LTBP1: variants seen among roughly 807,000 people sequenced by gnomAD.
The protein encoded by LTBP1 is latent-transforming growth factor beta-binding protein 1.
A neutral mutation model predicts 207.6 loss-of-function variants in LTBP1; 129 were observed. The observed-to-expected ratio is 0.62, with a 90% CI of 0.54 to 0.72. The LOEUF is 0.72. Among genes scored for constraint, LTBP1 ranks in the 30% least tolerant of loss-of-function variants. The pLI is 0.00. For missense variants in LTBP1, 2,281 were observed against 2,217.2 expected (o/e 1.03, Z -0.58); for synonymous variants, 963 against 833.7 (o/e 1.16, Z -2.67).
At chr2:33,019,126 T>C (rs77912572) in intron 2 of LTBP1, among the ~76,000 whole-genome samples, 2,606 of 152,230 alleles carry the variant, frequency 0.017, 21 homozygotes, top group Non-Finnish European at 0.024. Context: ...AATTGCTTTG[T>C]GGACTGAAGC....
intron 9 of LTBP1, among the ~76,000 whole-genome samples, chr2:33,234,282 A>G (rs540090816): frequency 6.6e-6 from 1 of 152,274 alleles, no homozygotes; most frequent in African/African-American, 2.4e-5. Context: ...TTGCATTATC[A>G]TAAGTGAGTT....
intron 2 of LTBP1, among the ~76,000 whole-genome samples, chr2:33,011,639 C>G (rs1687687303): frequency 6.6e-6 from 1 of 151,986 alleles, no homozygotes; most frequent in Admixed American, 6.6e-5. Flanking sequence ...GAATAAATCT[C>G]TGTTATTTAA....
In LTBP1 at chr2:33,252,702, G is replaced by A. The variant is rs1243245759; in HGVS notation, c.2025G>A (p.Glu675=). ...CVPDPPVISE[E]KGPCYRLVSS... is the part of the protein sequence containing the mutation. ...CTGATCCCCCTGTGATCTCGGAAGAGAAAGGGCCCTGTTACCGACTTGTCA... is the reference window on the plus strand; with the variant it reads ...CTGATCCCCCTGTGATCTCGGAAGAAAAAGGGCCCTGTTACCGACTTGTCA... The change falls in exon 11 of 34, where the codon GAG becomes GAA. Residue 675 remains glutamate (E), a synonymous_variant. Coordinates refer to ENST00000404816, the MANE Select transcript of LTBP1 (RefSeq NM_206943.4). The A allele has an allele frequency of 6.2e-7, 1 of 1,612,958 alleles. No individual in the cohort carries two copies. Among genetic ancestry groups the A allele is most frequent in the African/African-American group, 1.3e-5 (1 of 74,926 alleles).
chr2:33,065,955 A>G (rs1452523924), intron 3 of LTBP1, among the ~76,000 whole-genome samples: 1 of 152,180 alleles, frequency 6.6e-6, no homozygotes, highest in Non-Finnish European at 1.5e-5. Context: ...CCTGTTTTAA[A>G]TAACAGTGAG....
At chr2:33,288,580 G>T (rs1339889798) in intron 19 of LTBP1, among the ~76,000 whole-genome samples, 1 of 152,172 alleles carries the variant, frequency 6.6e-6, no homozygotes, top group Non-Finnish European at 1.5e-5. Context: ...TGGAGGCCAG[G>T]TGCGGTGGCT....
At chr2:33,008,446 A>G (rs1031598099) in intron 2 of LTBP1, among the ~76,000 whole-genome samples, 2 of 152,350 alleles carry the variant, frequency 1.3e-5, no homozygotes, top group South Asian at 2.1e-4. Context: ...GCCAAACAAT[A>G]AAAGTAATAA....
intron 3 of LTBP1, among the ~76,000 whole-genome samples, chr2:33,047,727 C>G (rs886679885): frequency 6.6e-6 from 1 of 152,034 alleles, no homozygotes; most frequent in African/African-American, 2.4e-5. Context: ...TTAAAGTCTC[C>G]CACTATTATT....
intron 3 of LTBP1, among the ~76,000 whole-genome samples, chr2:33,061,175 T>C (rs1335667369): frequency 6.6e-6 from 1 of 152,140 alleles, no homozygotes; most frequent in African/African-American, 2.4e-5. Context: ...ATCTTACATA[T>C]TACAAGATGG....
At chr2:33,058,049 G>A (rs191306311) in intron 3 of LTBP1, among the ~76,000 whole-genome samples, 19 of 152,350 alleles carry the variant, frequency 1.2e-4, no homozygotes, top group Admixed American at 3.3e-4. Context: ...AAGAAACCTA[G>A]GAGTGTTTCT....
In LTBP1 at chr2:33,300,837, T is replaced by C. The variant is rs1279068145; in HGVS notation, c.3358+264T>C. On this transcript the variant is annotated intron_variant, in intron 21 of 33. Coordinates refer to ENST00000404816, the MANE Select transcript of LTBP1 (RefSeq NM_206943.4). ...AATTATTGCTTTCTGTGTAATTCTT[T>C]ACTACAGAAGGTAATTTCCATTTAA... 2.6e-5 allele frequency among the ~76,000 whole-genome samples: 4 copies of C among 152,236 alleles called. No individual in the cohort carries two copies. The East Asian group carries it at 7.7e-4, about 29-fold the overall frequency.
At chr2:32,965,326 C>G (rs956957022) in intron 2 of LTBP1, among the ~76,000 whole-genome samples, 5 of 152,154 alleles carry the variant, frequency 3.3e-5, no homozygotes, top group Admixed American at 3.3e-4. Context: ...ATCGATGAAC[C>G]CCTATATTAT....
chr2:33,181,714 C>T (rs990432275), intron 5 of LTBP1, among the ~76,000 whole-genome samples: 2 of 152,210 alleles, frequency 1.3e-5, no homozygotes, highest in Non-Finnish European at 2.9e-5. Flanking sequence ...GTAATATTTT[C>T]TAAAATATAT....
intron 21 of LTBP1, 107 bp from the exon 22 acceptor site, chr2:33,301,415 T>C: frequency 7.6e-7 from 1 of 1,310,976 alleles, no homozygotes; most frequent in Non-Finnish European, 1.0e-6. Flanking sequence ...TGGTCATTAC[T>C]TGTATCAACA....
intron 31 of LTBP1, among the ~76,000 whole-genome samples, chr2:33,366,851 T>A (rs2150127743): frequency 6.6e-6 from 1 of 152,352 alleles, no homozygotes; most frequent in African/African-American, 2.4e-5. Flanking sequence ...TCAGTGAGGC[T>A]TTTGAGTCAT....
chr2:33,358,419 C>T (rs2094890006), intron 26 of LTBP1, among the ~76,000 whole-genome samples: 1 of 151,428 alleles, frequency 6.6e-6, no homozygotes, highest in African/African-American at 2.4e-5. Context: ...GTTTAAAATG[C>T]ATAAAATTAT....
chr2:33,277,799 C>CTTTCTT (rs1558933708), intron 18 of LTBP1, among the ~76,000 whole-genome samples: 21 of 47,452 alleles, frequency 4.4e-4, no homozygotes, highest in African/African-American at 1.1e-3. Context: ...CTTTCTTTCT[C>CTTTCTT]TCTCTCTTTC....
chr2:33,229,290 C>G (rs2091649326), intron 9 of LTBP1, among the ~76,000 whole-genome samples: 2 of 151,778 alleles, frequency 1.3e-5, no homozygotes, highest in African/African-American at 4.8e-5. Context: ...GGCAACAAAG[C>G]AAGACCCTGT....
intron 5 of LTBP1, among the ~76,000 whole-genome samples, chr2:33,137,260 T>A (rs2082218099): frequency 6.6e-6 from 1 of 152,216 alleles, no homozygotes; most frequent in Non-Finnish European, 1.5e-5. Context: ...TGTACTTGTT[T>A]ATAGAATACT....
intron 5 of LTBP1, among the ~76,000 whole-genome samples, chr2:33,181,556 A>G (rs1313357202): frequency 6.6e-6 from 1 of 152,256 alleles, no homozygotes; most frequent in Non-Finnish European, 1.5e-5. Context: ...TTTCTGGAGT[A>G]ACAGGCTGAA....
Sources: allele counts gnomAD v4.1 joint callset (sites outside exome capture counted in the v4.1 genomes callset), GRCh38; gene constraint gnomAD v4.1.1; transcripts MANE v1.5; gene names NCBI Gene and HGNC (gene_info 2026-07-23, HGNC 2026-07-21).